RTF2: variants seen among roughly 807,000 people sequenced by gnomAD.
RTF2 encodes the protein UPF0549 protein C20orf43.
Under a neutral mutation model 38.0 loss-of-function variants are expected in RTF2, and 18 were observed. The observed-to-expected ratio is 0.47, with a 90% confidence interval of 0.33 to 0.70. The LOEUF is 0.70. Ranked by LOEUF, RTF2 falls within the 30% of genes least tolerant of loss-of-function variation. The pLI is 0.02. For missense variants in RTF2, 311 were observed against 379.6 expected (o/e 0.82, Z 1.50); for synonymous variants, 126 against 137.1 (o/e 0.92, Z 0.57).
intron 5 of RTF2, among the ~76,000 whole-genome samples, chr20:56,489,837 C>A (rs1983003798): frequency 6.6e-6 from 1 of 152,190 alleles, no homozygotes; most frequent in Non-Finnish European, 1.5e-5. Flanking sequence ...TTATAAAATA[C>A]CGGGGACATA....
chr20:56,516,520 A>G, intron 6 of RTF2: 1 of 172,280 alleles, frequency 5.8e-6, no homozygotes, highest in Non-Finnish European at 1.2e-5. Flanking sequence ...GGAATGTGCA[A>G]GATTTAGTTG....
intron 5 of RTF2, among the ~76,000 whole-genome samples, chr20:56,506,716 T>TGA (rs1196021337): frequency 2.0e-5 from 3 of 152,250 alleles, no homozygotes; most frequent in Admixed American, 6.5e-5. Flanking sequence ...TTTTTTTTTT[T>TGA]GAGAGAGAGA....
chr20:56,484,779 G>A (rs928773462), intron 5 of RTF2, among the ~76,000 whole-genome samples: 1 of 152,228 alleles, frequency 6.6e-6, no homozygotes, highest in Admixed American at 6.5e-5. Context: ...TTGCTTTAAT[G>A]GCGCTGCTGC....
chr20:56,507,787 C>T (rs558203450), intron 5 of RTF2, among the ~76,000 whole-genome samples: 2 of 152,310 alleles, frequency 1.3e-5, no homozygotes, highest in South Asian at 2.1e-4. Flanking sequence ...GTCATAGCCA[C>T]AGCTCCAGGC....
At chr20:56,476,624 C>T (rs1047104787) in intron 3 of RTF2, among the ~76,000 whole-genome samples, 6 of 152,074 alleles carry the variant, frequency 3.9e-5, no homozygotes, top group African/African-American at 9.6e-5. Flanking sequence ...CTCAGCCTCC[C>T]GAGTAGCTGG....
intron 5 of RTF2, among the ~76,000 whole-genome samples, chr20:56,504,750 C>T (rs1389905177): frequency 1.3e-5 from 2 of 152,200 alleles, no homozygotes; most frequent in Admixed American, 6.5e-5. Flanking sequence ...CCACAGACAG[C>T]TCTATTAAGA....
intron 5 of RTF2, among the ~76,000 whole-genome samples, chr20:56,493,396 G>C (rs965771724): frequency 3.3e-5 from 5 of 152,048 alleles, no homozygotes; most frequent in African/African-American, 1.2e-4. Context: ...AGTGGTTCAT[G>C]TCTGTAATCT....
chr20:56,494,551 T>C (rs1216376967), intron 5 of RTF2, among the ~76,000 whole-genome samples: 1 of 152,186 alleles, frequency 6.6e-6, no homozygotes, highest in African/African-American at 2.4e-5. Flanking sequence ...TAACCTGTTG[T>C]TTACCTGTCA....
chr20:56,482,722 A>G (rs936608164), intron 4 of RTF2, among the ~76,000 whole-genome samples: 16 of 152,246 alleles, frequency 1.1e-4, no homozygotes, highest in African/African-American at 2.7e-4. Flanking sequence ...GGTTAGGCCA[A>G]TCTGCGTCTG....
intron 4 of RTF2, among the ~76,000 whole-genome samples, chr20:56,480,314 C>T (rs909565649): frequency 4.0e-5 from 6 of 151,694 alleles, no homozygotes; most frequent in Non-Finnish European, 7.3e-5. Context: ...GTTTCCACCT[C>T]TTCCTCTGCA....
intron 5 of RTF2, chr20:56,496,744 CA>C: frequency 6.4e-7 from 1 of 1,552,160 alleles, no homozygotes; most frequent in Non-Finnish European, 8.7e-7. Flanking sequence ...ATGAACTCTA[CA>C]AACTTCCTTG....
At chr20:56,471,893 G>A (rs1385697675) in intron 1 of RTF2, among the ~76,000 whole-genome samples, 1 of 152,170 alleles carries the variant, frequency 6.6e-6, no homozygotes, top group Non-Finnish European at 1.5e-5. Context: ...ACAGTGCCTG[G>A]CACACAGTAA....
chr20:56,477,290 C>A (rs926613151), intron 4 of RTF2, among the ~76,000 whole-genome samples, 166 bp downstream of exon 4: 1 of 152,110 alleles, frequency 6.6e-6, no homozygotes, highest in Non-Finnish European at 1.5e-5. Flanking sequence ...CGTTCATTTC[C>A]GTCAGCCATT....
intron 5 of RTF2, among the ~76,000 whole-genome samples, chr20:56,493,214 G>A (rs1281199671): frequency 6.6e-6 from 1 of 152,076 alleles, no homozygotes; most frequent in African/African-American, 2.4e-5. Context: ...TTTTTAAAAG[G>A]GGCAGGGGGA....
At chr20:56,469,932 A>C (rs750354515) in intron 1 of RTF2, among the ~76,000 whole-genome samples, 8 of 152,180 alleles carry the variant, frequency 5.3e-5, no homozygotes, top group African/African-American at 1.7e-4. Context: ...TTTTTACTCA[A>C]ATGTCATCTG....
At chr20:56,476,775 A>G (rs1204644503) in intron 3 of RTF2, among the ~76,000 whole-genome samples, 1 of 152,138 alleles carries the variant, frequency 6.6e-6, no homozygotes, top group Admixed American at 6.5e-5. Flanking sequence ...CTGGGATTAC[A>G]GGCATGAGCC....
chr20:56,483,274 C>A (rs564914423), intron 4 of RTF2, among the ~76,000 whole-genome samples: 16 of 152,116 alleles, frequency 1.1e-4, no homozygotes, highest in African/African-American at 3.9e-4. Flanking sequence ...AAGTATTGTA[C>A]TGTGTTGTAT....
rs116397535 is a variant in RTF2 at position 56,470,696 on chromosome 20, T to C, written c.69+1930T>C. ...TTTCAGCCCCACCTCACCCCCATCC[T>C]TCAGGGAGGAGAAGAGGAATTGGAC... On this transcript the variant is annotated intron_variant, in intron 1 of 8. Transcript: ENST00000357348. 2,849 of 455,834 alleles carry C rather than the reference T, an allele frequency of 6.3e-3. 82 individuals are homozygous for C. The highest frequency in any genetic ancestry group is 0.052 in the African/African-American group (2,624 of 50,140). The allele number at this position is 455,834 out of a possible 1,614,324, so 28.2% of individuals were successfully genotyped here.
intron 2 of RTF2, 128 bp from the exon 3 acceptor site, chr20:56,474,550 T>A (rs1982139369): frequency 1.8e-6 from 1 of 568,324 alleles, no homozygotes; most frequent in Non-Finnish European, 3.1e-6. Context: ...TAAATTTACT[T>A]TTTAATAATT....
Sources: gnomAD v4.1 joint callset for allele counts (sites outside exome capture counted in the v4.1 genomes callset) on GRCh38, gnomAD v4.1.1 for gene constraint, MANE v1.5 for transcripts, NCBI Gene and HGNC (gene_info 2026-07-23, HGNC 2026-07-21) for gene names.